The following TRAK1 variants were observed in gnomAD, a reference collection of about 807,000 sequenced individuals.
TRAK1 encodes the protein trafficking kinesin-binding protein 1.
A neutral mutation model predicts 92.1 loss-of-function variants in TRAK1; 33 were observed. The observed-to-expected ratio is 0.36, with a 90% CI of 0.27 to 0.48. TRAK1 has a LOEUF of 0.48. TRAK1 is among the 20% of genes least tolerant of loss of function. The probability of loss-of-function intolerance (pLI) is 0.99; values close to 1 mark genes in which losing one functional copy is unlikely to be tolerated. For synonymous variants in TRAK1, 521 were observed against 517.3 expected (o/e 1.01, Z -0.10); for missense variants, 1,123 against 1,257.9 (o/e 0.89, Z 1.62).
At chr3:42,175,931 A>T (rs189395341) in intron 2 of TRAK1, among the ~76,000 whole-genome samples, 2 of 152,294 alleles carry the variant, frequency 1.3e-5, no homozygotes, top group African/African-American at 4.8e-5. Flanking sequence ...GCTGGCCATA[A>T]ATCCATTTAT....
chr3:42,190,286 G>A (rs947338034), intron 6 of TRAK1, among the ~76,000 whole-genome samples: 1 of 152,084 alleles, frequency 6.6e-6, no homozygotes, highest in Non-Finnish European at 1.5e-5. Context: ...GCTGGCCCTG[G>A]GTTCTTGAGA....
chr3:42,102,804 T>C (rs1395988531), intron 1 of TRAK1, among the ~76,000 whole-genome samples: 1 of 152,164 alleles, frequency 6.6e-6, no homozygotes, highest in African/African-American at 2.4e-5. Flanking sequence ...TAGGCAAGCC[T>C]CCTGTGCACA....
At chr3:42,114,801 C>G (rs1380402125) in intron 1 of TRAK1, among the ~76,000 whole-genome samples, 1 of 152,132 alleles carries the variant, frequency 6.6e-6, no homozygotes, top group East Asian at 1.9e-4. Flanking sequence ...CAACCTCTGC[C>G]TCCTGGGTTC....
intron 1 of TRAK1, among the ~76,000 whole-genome samples, chr3:42,095,001 T>C (rs955145330): frequency 6.6e-6 from 1 of 152,232 alleles, no homozygotes; most frequent in African/African-American, 2.4e-5. Flanking sequence ...TCACTCACAG[T>C]AAGGAGGCAT....
chr3:42,160,386 G>A, intron 2 of TRAK1: 5 of 1,614,214 alleles, frequency 3.1e-6, no homozygotes, highest in Non-Finnish European at 4.2e-6. Flanking sequence ...CAAGGGCGGG[G>A]AAGAAGAATG....
chr3:42,029,893 C>G (rs892739972), intron 1 of TRAK1, among the ~76,000 whole-genome samples: 1 of 151,880 alleles, frequency 6.6e-6, no homozygotes, highest in Non-Finnish European at 1.5e-5. Context: ...TGTGGAGAGC[C>G]AGAATAGGGG....
intron 2 of TRAK1, among the ~76,000 whole-genome samples, chr3:42,170,224 A>G (rs1702378836): frequency 1.3e-5 from 2 of 152,228 alleles, no homozygotes; most frequent in African/African-American, 4.8e-5. Context: ...CAAAAGCTAC[A>G]AGCTTTTAAC....
chr3:42,192,672 G>A (rs369684407), intron 7 of TRAK1, among the ~76,000 whole-genome samples: 4 of 152,172 alleles, frequency 2.6e-5, no homozygotes, highest in African/African-American at 9.7e-5. Context: ...GGGTGCAGCA[G>A]GGGATTCCTG....
intron 1 of TRAK1, among the ~76,000 whole-genome samples, chr3:42,021,675 C>A (rs1701725541): frequency 6.6e-6 from 1 of 152,154 alleles, no homozygotes; most frequent in South Asian, 2.1e-4. Context: ...CTCCCTGGTT[C>A]AAGCAATTCT....
chr3:42,190,030 T>G (rs1705467150), intron 6 of TRAK1, among the ~76,000 whole-genome samples: 1 of 152,178 alleles, frequency 6.6e-6, no homozygotes, highest in Non-Finnish European at 1.5e-5. Flanking sequence ...GCTAGGTGTT[T>G]TGATAACCCG....
At chr3:42,157,456 T>TAAAAAAAAA (rs1700669173) in intron 2 of TRAK1, among the ~76,000 whole-genome samples, 1 of 3,894 alleles carries the variant, frequency 2.6e-4, no homozygotes, top group Non-Finnish European at 4.0e-4. Context: ...AGACCCTGTC[T>TAAAAAAAAA]CAAAAAAAAA....
At chr3:42,053,821 C>T (rs1358718096) in intron 1 of TRAK1, among the ~76,000 whole-genome samples, 1 of 152,154 alleles carries the variant, frequency 6.6e-6, no homozygotes, top group Non-Finnish European at 1.5e-5. Context: ...TTTTCTGTTA[C>T]CTTTGATGGA....
chr3:42,122,891 A>T (rs1410264632), intron 1 of TRAK1, among the ~76,000 whole-genome samples: 1 of 152,096 alleles, frequency 6.6e-6, no homozygotes, highest in East Asian at 1.9e-4. Context: ...TTGCTGTGAC[A>T]TTTCCCCCAT....
chr3:42,221,158 ATG>A (rs1710310878), intron 15 of TRAK1, among the ~76,000 whole-genome samples: 1 of 151,522 alleles, frequency 6.6e-6, no homozygotes, highest in African/African-American at 2.4e-5. Flanking sequence ...AACAAACAAA[ATG>A]GAAACAAAAT....
intron 1 of TRAK1, among the ~76,000 whole-genome samples, chr3:42,101,501 A>G (rs1373456817): frequency 2.6e-5 from 4 of 152,204 alleles, no homozygotes; most frequent in Admixed American, 6.5e-5. Context: ...GGCTTCTTCT[A>G]TTAGCCCTGC....
intron 13 of TRAK1, chr3:42,204,334 A>C: frequency 1.1e-6 from 1 of 898,204 alleles, no homozygotes; most frequent in South Asian, 5.1e-5. Context: ...TTCAAAGCAC[A>C]TGTTTTAGCC....
intron 1 of TRAK1, among the ~76,000 whole-genome samples, chr3:42,121,199 G>A (rs1320751783): frequency 6.6e-6 from 1 of 152,124 alleles, no homozygotes; most frequent in Non-Finnish European, 1.5e-5. Flanking sequence ...CACATTGCTG[G>A]GACGGTGAGA....
chr3:42,081,337 G>A (rs1362544914), intron 1 of TRAK1, among the ~76,000 whole-genome samples: 1 of 152,202 alleles, frequency 6.6e-6, no homozygotes, highest in Non-Finnish European at 1.5e-5. Context: ...AAGGTTAGCA[G>A]TGTGAAATTT....
intron 2 of TRAK1, among the ~76,000 whole-genome samples, chr3:42,147,234 G>C (rs1319342654): frequency 2.0e-5 from 3 of 152,212 alleles, no homozygotes; most frequent in African/African-American, 7.2e-5. Flanking sequence ...ATAGTCACAA[G>C]TCCTAGAAAA....
Sources: allele counts gnomAD v4.1 joint callset (sites outside exome capture counted in the v4.1 genomes callset), GRCh38; gene constraint gnomAD v4.1.1; transcripts MANE v1.5; gene names NCBI Gene and HGNC (gene_info 2026-07-23, HGNC 2026-07-21).